Variants in CDH18 observed in about 807,000 individuals in gnomAD.
CDH18 encodes cadherin 18, also known as cadherin-18.
In CDH18, 31 loss-of-function variants were observed where a neutral mutation model predicts 67.9. The observed-to-expected ratio is 0.46, with a 90% CI of 0.34 to 0.62. The LOEUF is 0.62. CDH18 is among the 20% of genes least tolerant of loss of function. The pLI is 0.01. For synonymous variants in CDH18, 362 were observed against 347.2 expected, an observed-to-expected ratio of 1.04 and a Z score of -0.48; for missense variants, 890 against 975.5, an observed-to-expected ratio of 0.91 and a Z score of 1.17.
intron 1 of CDH18, among the ~76,000 whole-genome samples, chr5:20,532,893 C>CT (rs531235503): frequency 0.021 from 2,990 of 144,784 alleles, 38 homozygotes; most frequent in African/African-American, 0.033. Context: ...TTCATAAACT[C>CT]TTTTTTTTTT....
At chr5:19,981,311 A>G (rs1317944786) in intron 1 of CDH18, 133 bp from the exon 2 acceptor site, 1 of 152,252 alleles carries the variant, frequency 6.6e-6, no homozygotes, top group Non-Finnish European at 1.5e-5. Flanking sequence ...TACAGGATCT[A>G]CACATGATCG....
At chr5:20,468,014 T>TTATG (rs1241312809) in intron 1 of CDH18, among the ~76,000 whole-genome samples, 9 of 151,628 alleles carry the variant, frequency 5.9e-5, no homozygotes, top group Middle Eastern at 6.8e-3. Flanking sequence ...ATGTATTTAT[T>TTATG]TATTTATTTA....
chr5:19,597,852 A>G (rs1285761624), intron 6 of CDH18, among the ~76,000 whole-genome samples: 1 of 152,162 alleles, frequency 6.6e-6, no homozygotes, highest in African/African-American at 2.4e-5. Flanking sequence ...TTCAAATAGT[A>G]TGGTTATTTA....
chr5:19,506,912 A>T (rs1288797890), intron 10 of CDH18, among the ~76,000 whole-genome samples: 1 of 152,198 alleles, frequency 6.6e-6, no homozygotes, highest in Non-Finnish European at 1.5e-5. Flanking sequence ...ATGGGATCTA[A>T]TTAAACTAAA....
chr5:19,548,264 G>C (rs531672055), intron 8 of CDH18, among the ~76,000 whole-genome samples: 37 of 150,472 alleles, frequency 2.5e-4, no homozygotes, highest in Admixed American at 7.3e-4. Flanking sequence ...GGTCCTAAAA[G>C]AGGACTAATC....
At chr5:19,721,001 C>T (rs1030606351) in intron 5 of CDH18, among the ~76,000 whole-genome samples, 1 of 151,948 alleles carries the variant, frequency 6.6e-6, no homozygotes, top group East Asian at 1.9e-4. Context: ...AATATACAAG[C>T]GGAGCAAATA....
chr5:19,568,831 C>A (rs186056614), intron 8 of CDH18, among the ~76,000 whole-genome samples: 1 of 152,082 alleles, frequency 6.6e-6, no homozygotes, highest in Admixed American at 6.6e-5. Context: ...GTTATAGCAG[C>A]GTAAAGTGAC....
chr5:20,152,387 G>T (rs1580356538), intron 2 of CDH18, among the ~76,000 whole-genome samples: 1 of 151,086 alleles, frequency 6.6e-6, no homozygotes, highest in East Asian at 1.9e-4. Context: ...TTTATTGTCT[G>T]TTATATTGCA....
intron 2 of CDH18, among the ~76,000 whole-genome samples, chr5:20,089,394 G>A (rs140612290): frequency 6.6e-6 from 1 of 152,064 alleles, no homozygotes; most frequent in African/African-American, 2.4e-5. Context: ...AATCATGTTT[G>A]GAAAAACTGG....
At chr5:20,337,121 T>C (rs1580784895) in intron 1 of CDH18, among the ~76,000 whole-genome samples, 2 of 152,290 alleles carry the variant, frequency 1.3e-5, no homozygotes, top group Admixed American at 1.3e-4. Flanking sequence ...CCTAGAACTT[T>C]CCTTTTGCTT....
intron 2 of CDH18, among the ~76,000 whole-genome samples, chr5:20,048,227 C>T (rs545543085): frequency 1.3e-4 from 19 of 151,394 alleles, no homozygotes; most frequent in Non-Finnish European, 2.8e-4. Context: ...ATTTTCAGTA[C>T]ATTAGGTGCT....
At position 19,718,880 on chromosome 5, in the gene CDH18, AT is replaced by A. The variant is rs199633396; in HGVS notation, c.643+2466del. Among the ~76,000 whole-genome samples, 84 of 152,072 alleles carry A rather than the reference AT, an allele frequency of 5.5e-4. 2 individuals are homozygous for A. In the East Asian group the frequency reaches 0.016, roughly 29 times the overall value. Reference sequence around the variant, plus strand: ...GCCTATTTACACTTGAGATAAACTTATTTTTGTTGTTTAATAAGGTACTCAC... The same window carrying A: ...GCCTATTTACACTTGAGATAAACTTATTTTGTTGTTTAATAAGGTACTCAC... On this transcript the variant is annotated intron_variant, in intron 5 of 12. Coordinates refer to ENST00000382275, the MANE Select transcript of CDH18 (RefSeq NM_004934.5).
intron 1 of CDH18, among the ~76,000 whole-genome samples, chr5:20,425,115 C>G (rs1206556532): frequency 2.0e-5 from 3 of 150,988 alleles, no homozygotes; most frequent in Non-Finnish European, 2.9e-5. Context: ...CGCCTATAAT[C>G]CCAGCACTTT....
intron 5 of CDH18, among the ~76,000 whole-genome samples, chr5:19,690,142 A>G (rs1433403169): frequency 6.6e-6 from 1 of 151,534 alleles, no homozygotes; most frequent in African/African-American, 2.4e-5. Context: ...GCTGGTAACA[A>G]GAGGAATTCT....
chr5:20,227,266 T>C (rs1280020838), intron 2 of CDH18, among the ~76,000 whole-genome samples: 1 of 152,154 alleles, frequency 6.6e-6, no homozygotes, highest in Non-Finnish European at 1.5e-5. Context: ...TGAAAATTCA[T>C]GGTTTCCAGT....
chr5:19,981,214 T>G (rs1798993388), intron 1 of CDH18, 36 bp from the exon 2 acceptor site: 1 of 152,148 alleles, frequency 6.6e-6, no homozygotes, highest in Admixed American at 6.5e-5. Flanking sequence ...TGTTGAAATA[T>G]AGATCAGATA....
At chr5:20,020,285 A>G (rs1270969170) in intron 2 of CDH18, among the ~76,000 whole-genome samples, 1 of 152,230 alleles carries the variant, frequency 6.6e-6, no homozygotes, top group Non-Finnish European at 1.5e-5. Flanking sequence ...AGGATAGAAA[A>G]TGGGTAGAAA....
intron 3 of CDH18, among the ~76,000 whole-genome samples, chr5:19,809,580 T>C (rs1459733243): frequency 6.6e-6 from 1 of 152,160 alleles, no homozygotes; most frequent in African/African-American, 2.4e-5. Flanking sequence ...GCAAAGAATT[T>C]TGTGGTTATT....
intron 1 of CDH18, among the ~76,000 whole-genome samples, chr5:20,328,095 G>T (rs1453094616): frequency 6.6e-6 from 1 of 151,992 alleles, no homozygotes; most frequent in Non-Finnish European, 1.5e-5. Context: ...GAAGCATCAA[G>T]CAGGAGGCAT....
Sources: gnomAD v4.1 joint callset for allele counts (sites outside exome capture counted in the v4.1 genomes callset) on GRCh38, gnomAD v4.1.1 for gene constraint, MANE v1.5 for transcripts, NCBI Gene and HGNC (gene_info 2026-07-23, HGNC 2026-07-21) for gene names.